CNTN4: variants seen among roughly 807,000 people sequenced by gnomAD.
The protein encoded by CNTN4 is contactin 4, also known as contactin-4.
A neutral mutation model predicts 122.5 loss-of-function variants in CNTN4; 77 were observed. That is an observed-to-expected ratio of 0.63 (90% CI 0.52 to 0.76). CNTN4 has a LOEUF of 0.76. Among genes scored for constraint, CNTN4 ranks in the 30% least tolerant of loss-of-function variants. The pLI, the probability that CNTN4 is intolerant of heterozygous loss-of-function variation, is 0.00. For missense variants in CNTN4, 1,256 were observed against 1,259.1 expected (o/e 1.00, Z 0.04); for synonymous variants, 512 against 447.0 (o/e 1.15, Z -1.83).
chr3:2,864,037 T>C (rs2150803209), intron 7 of CNTN4, among the ~76,000 whole-genome samples: 1 of 152,344 alleles, frequency 6.6e-6, no homozygotes, highest in South Asian at 2.1e-4. Flanking sequence ...TTAGATCAAA[T>C]AGCATGTTAA....
rs187256753 is a variant in CNTN4, at chr3:2,386,733, C to T, written c.-89+47500C>T. 6.3e-3 allele frequency among the ~76,000 whole-genome samples: 960 copies of T among 152,084 alleles called. 6 individuals carry two copies. The highest frequency in any genetic ancestry group is 0.01 in the Non-Finnish European group (684 of 67,998). ...TAGAAACGAAAGGGAAACATTTCAA[C>T]GAATTATTAAGTATTACATAAGTCT... On this transcript the variant is annotated intron_variant, in intron 3 of 24. Coordinates refer to ENST00000418658, the MANE Select transcript of CNTN4 (RefSeq NM_175607.3).
intron 3 of CNTN4, among the ~76,000 whole-genome samples, chr3:2,448,441 A>G (rs2048704567): frequency 1.3e-5 from 2 of 152,216 alleles, no homozygotes; most frequent in African/African-American, 4.8e-5. Flanking sequence ...AGTTGTGTGC[A>G]GTGATTGGGC....
chr3:2,983,201 G>T (rs1417481317), intron 13 of CNTN4, among the ~76,000 whole-genome samples: 4 of 100,134 alleles, frequency 4.0e-5, no homozygotes, highest in Non-Finnish European at 3.7e-5. Context: ...GTGACAGAGC[G>T]AGACTCCATC....
chr3:2,293,683 G>A (rs1185888144), intron 2 of CNTN4, among the ~76,000 whole-genome samples: 3 of 152,092 alleles, frequency 2.0e-5, no homozygotes, highest in African/African-American at 7.2e-5. Flanking sequence ...TCTTTCTTAC[G>A]AGTATATCTC....
At chr3:2,809,872 G>T (rs567151820) in intron 6 of CNTN4, among the ~76,000 whole-genome samples, 2 of 152,240 alleles carry the variant, frequency 1.3e-5, no homozygotes, top group African/African-American at 2.4e-5. Context: ...TAGCACAAAG[G>T]TCTAGATAAA....
intron 14 of CNTN4, among the ~76,000 whole-genome samples, chr3:2,994,904 A>G (rs575797567): frequency 1.1e-4 from 16 of 152,334 alleles, no homozygotes; most frequent in African/African-American, 3.8e-4. Flanking sequence ...CTAACACACA[A>G]CAAAAGCTTT....
At chr3:2,164,712 A>G (rs1464458155) in intron 2 of CNTN4, among the ~76,000 whole-genome samples, 2 of 152,208 alleles carry the variant, frequency 1.3e-5, no homozygotes, top group African/African-American at 4.8e-5. Flanking sequence ...CTAGTGGACA[A>G]TGCAACATTC....
intron 7 of CNTN4, among the ~76,000 whole-genome samples, chr3:2,839,444 C>A (rs1469504738): frequency 6.6e-6 from 1 of 151,538 alleles, no homozygotes; most frequent in Admixed American, 6.6e-5. Context: ...GGAATCACAA[C>A]AGAAAGAGGT....
intron 4 of CNTN4, among the ~76,000 whole-genome samples, chr3:2,643,892 C>T (rs1377945497): frequency 6.6e-6 from 1 of 152,118 alleles, no homozygotes; most frequent in Non-Finnish European, 1.5e-5. Flanking sequence ...GCAGCTGCTT[C>T]CTCCCTTTCA....
chr3:2,742,180 A>G (rs2089492344), intron 5 of CNTN4, among the ~76,000 whole-genome samples: 1 of 103,064 alleles, frequency 9.7e-6, no homozygotes, highest in Admixed American at 1.2e-4. Flanking sequence ...CTCCATGGGG[A>G]TCTTCAGCAC....
chr3:2,714,030 A>T (rs2087321723), intron 4 of CNTN4, among the ~76,000 whole-genome samples: 1 of 152,132 alleles, frequency 6.6e-6, no homozygotes, highest in Admixed American at 6.6e-5. Context: ...TATTTTCACT[A>T]CCATTGTGGA....
At chr3:2,828,180 C>T (rs1403369334) in intron 7 of CNTN4, among the ~76,000 whole-genome samples, 1 of 151,632 alleles carries the variant, frequency 6.6e-6, no homozygotes, top group Non-Finnish European at 1.5e-5. Flanking sequence ...CAAATATAAT[C>T]CTAGTTTTAA....
intron 2 of CNTN4, among the ~76,000 whole-genome samples, chr3:2,337,261 A>C (rs147579947): frequency 6.8e-4 from 103 of 152,264 alleles, no homozygotes; most frequent in African/African-American, 2.3e-3. Flanking sequence ...CTCTGGATGC[A>C]ATTACAAAAA....
At chr3:3,000,721 A>G (rs878911592) in intron 14 of CNTN4, among the ~76,000 whole-genome samples, 1 of 152,170 alleles carries the variant, frequency 6.6e-6, no homozygotes, top group Admixed American at 6.5e-5. Flanking sequence ...GTTGACTCAT[A>G]TATCCCACCC....
intron 13 of CNTN4, among the ~76,000 whole-genome samples, chr3:2,971,807 T>G (rs1016014790): frequency 2.0e-5 from 3 of 152,208 alleles, no homozygotes; most frequent in Non-Finnish European, 2.9e-5. Flanking sequence ...TTCTTCCACT[T>G]AACTGCAATG....
intron 3 of CNTN4, among the ~76,000 whole-genome samples, chr3:2,493,655 T>C (rs1293428934): frequency 6.6e-6 from 1 of 152,082 alleles, no homozygotes; most frequent in African/African-American, 2.4e-5. Flanking sequence ...CTTTGTACTT[T>C]AATAATAGAA....
At chr3:2,799,619 T>A (rs965127469) in intron 6 of CNTN4, among the ~76,000 whole-genome samples, 3 of 152,100 alleles carry the variant, frequency 2.0e-5, no homozygotes, top group African/African-American at 4.8e-5. Flanking sequence ...CCTGCCACCA[T>A]GCCCGGCTAA....
chr3:2,628,565 G>T (rs897238067), intron 4 of CNTN4, among the ~76,000 whole-genome samples: 1 of 152,192 alleles, frequency 6.6e-6, no homozygotes, highest in Admixed American at 6.5e-5. Context: ...TTCTCTGATT[G>T]CCATCAGTAG....
chr3:2,251,599 A>G (rs1324670361), intron 2 of CNTN4, among the ~76,000 whole-genome samples: 1 of 151,772 alleles, frequency 6.6e-6, no homozygotes, highest in Non-Finnish European at 1.5e-5. Flanking sequence ...CCGTTTCTGT[A>G]TTTGGATAGG....
Sources: gnomAD v4.1 joint callset for allele counts (sites outside exome capture counted in the v4.1 genomes callset) on GRCh38, gnomAD v4.1.1 for gene constraint, MANE v1.5 for transcripts, NCBI Gene and HGNC (gene_info 2026-07-23, HGNC 2026-07-21) for gene names.